Variants in GABBR2 observed in about 807,000 individuals in gnomAD.
GABBR2 encodes the protein gamma-aminobutyric acid type B receptor subunit 2.
Under a neutral mutation model 105.6 loss-of-function variants are expected in GABBR2, and 23 were observed. The observed-to-expected ratio is 0.22, with a 90% CI of 0.16 to 0.31. GABBR2 has a LOEUF of 0.31. GABBR2 is among the 10% of genes least tolerant of loss of function. The pLI, the probability that GABBR2 is intolerant of heterozygous loss-of-function variation, is 1.00. For synonymous variants in GABBR2, 478 were observed against 499.7 expected (o/e 0.96, Z 0.58); for missense variants, 734 against 1,245.5 (o/e 0.59, Z 6.18).
At chr9:98,642,069 C>T (rs576770282) in intron 1 of GABBR2, among the ~76,000 whole-genome samples, 5 of 152,282 alleles carry the variant, frequency 3.3e-5, no homozygotes, top group African/African-American at 1.2e-4. Flanking sequence ...GCTTCCAGGG[C>T]GCATTAAGTA....
chr9:98,336,207 G>T (rs868047947), intron 13 of GABBR2, among the ~76,000 whole-genome samples: 1 of 152,082 alleles, frequency 6.6e-6, no homozygotes, highest in Admixed American at 6.6e-5. Flanking sequence ...AAGGCACAAA[G>T]TTGGGAATAA....
At chr9:98,608,685 G>C (rs1285081327) in intron 1 of GABBR2, among the ~76,000 whole-genome samples, 1 of 152,116 alleles carries the variant, frequency 6.6e-6, no homozygotes, top group Non-Finnish European at 1.5e-5. Flanking sequence ...TGCACCTAGA[G>C]CTTTTTTATA....
intron 1 of GABBR2, among the ~76,000 whole-genome samples, chr9:98,615,460 A>T (rs182700482): frequency 6.6e-6 from 1 of 152,342 alleles, no homozygotes; most frequent in African/African-American, 2.4e-5. Context: ...ACTAATTTTT[A>T]AAATGCAATT....
At chr9:98,394,698 C>T (rs1398546216) in intron 8 of GABBR2, among the ~76,000 whole-genome samples, 3 of 152,178 alleles carry the variant, frequency 2.0e-5, no homozygotes, top group African/African-American at 7.2e-5. Flanking sequence ...GATACCACCC[C>T]CCAACTCCTC....
chr9:98,489,331 G>A (rs1588190939), intron 4 of GABBR2, among the ~76,000 whole-genome samples: 1 of 152,306 alleles, frequency 6.6e-6, no homozygotes, highest in East Asian at 1.9e-4. Context: ...TGGAGAGAGA[G>A]AAGAGGAGCC....
At chr9:98,320,661 A>G in intron 13 of GABBR2, among the ~76,000 whole-genome samples, 1 of 152,092 alleles carries the variant, frequency 6.6e-6, no homozygotes, top group Admixed American at 6.5e-5. Flanking sequence ...AAAAATGATG[A>G]GTTCATGTCC....
intron 4 of GABBR2, among the ~76,000 whole-genome samples, chr9:98,489,393 C>T (rs945719917): frequency 6.6e-6 from 1 of 152,174 alleles, no homozygotes; most frequent in Admixed American, 6.5e-5. Context: ...AAGCAAGGCT[C>T]TTGACTCCTC....
intron 16 of GABBR2, among the ~76,000 whole-genome samples, chr9:98,299,842 A>G (rs1251519262): frequency 2.0e-5 from 3 of 152,176 alleles, no homozygotes; most frequent in Admixed American, 2.0e-4. Context: ...TGTCTGAAAC[A>G]TAATAAGGGC....
chr9:98,362,354 A>G (rs1228786218), intron 13 of GABBR2, among the ~76,000 whole-genome samples: 2 of 152,252 alleles, frequency 1.3e-5, no homozygotes, highest in Non-Finnish European at 1.5e-5. Flanking sequence ...AGGAGCTTTC[A>G]GAATGTTTAC....
chr9:98,407,987 T>C (rs1832519577), intron 7 of GABBR2, among the ~76,000 whole-genome samples: 1 of 152,204 alleles, frequency 6.6e-6, no homozygotes, highest in Non-Finnish European at 1.5e-5. Context: ...TCTCACAAAC[T>C]GGGTTCAGTC....
chr9:98,470,192 T>A lies in GABBR2; in HGVS notation c.999+2954A>T, dbSNP rs1165336824. Among the ~76,000 whole-genome samples the A allele has an allele frequency of 2.0e-5, 3 of 152,216 alleles. No homozygotes were observed. In the East Asian group the frequency reaches 5.8e-4, roughly 29 times the overall value. On this transcript the variant is annotated intron_variant, in intron 6 of 18. Transcript: ENST00000259455. The stretch of plus-strand genomic sequence containing the variant: ...GTACTAGGTGAATAAAGCACTACTT[T>A]CAGGTGCAAAATTTAAGGGAGAGTC...
intron 7 of GABBR2, among the ~76,000 whole-genome samples, chr9:98,440,673 G>A (rs1241764531): frequency 6.6e-6 from 1 of 152,232 alleles, no homozygotes; most frequent in Non-Finnish European, 1.5e-5. Flanking sequence ...GAAATTTCAT[G>A]AGAAAGTGGA....
At chr9:98,303,709 G>A (rs1411460423) in intron 15 of GABBR2, among the ~76,000 whole-genome samples, 1 of 152,206 alleles carries the variant, frequency 6.6e-6, no homozygotes, top group East Asian at 1.9e-4. Context: ...CAGGGCCCCC[G>A]AGGCCTCACT....
chr9:98,640,073 C>T (rs1026500332), intron 1 of GABBR2, among the ~76,000 whole-genome samples: 11 of 150,246 alleles, frequency 7.3e-5, no homozygotes, highest in African/African-American at 2.7e-4. Context: ...TTAAGACCTC[C>T]ATTTTATTTG....
chr9:98,648,116 T>TGTGTGTGTGTGTGTAGATAG, intron 1 of GABBR2, among the ~76,000 whole-genome samples: 1 of 55,948 alleles, frequency 1.8e-5, no homozygotes, highest in Non-Finnish European at 3.4e-5. Context: ...TGTGTGTGTG[T>TGTGTGTGTGTGTGTAGATAG]ATAGATAGAT....
intron 1 of GABBR2, among the ~76,000 whole-genome samples, chr9:98,595,173 G>C (rs796831440): frequency 6.6e-6 from 1 of 152,132 alleles, no homozygotes; most frequent in Non-Finnish European, 1.5e-5. Context: ...TCTAGTGAAG[G>C]CTGGTTTCCT....
intron 2 of GABBR2, among the ~76,000 whole-genome samples, chr9:98,556,818 G>A (rs1828593693): frequency 6.6e-6 from 1 of 152,168 alleles, no homozygotes; most frequent in Non-Finnish European, 1.5e-5. Flanking sequence ...GCTGAGGTGG[G>A]CGGATCGCTT....
intron 1 of GABBR2, among the ~76,000 whole-genome samples, chr9:98,621,927 T>G (rs757462772): frequency 4.6e-5 from 7 of 151,844 alleles, no homozygotes; most frequent in Non-Finnish European, 1.0e-4. Context: ...GCATGAAAAA[T>G]GCACAATTTT....
intron 3 of GABBR2, among the ~76,000 whole-genome samples, chr9:98,509,179 C>G (rs1412529037): frequency 6.6e-6 from 1 of 152,186 alleles, no homozygotes; most frequent in Non-Finnish European, 1.5e-5. Context: ...GGACCTCTAG[C>G]AAACTCCAAC....
Sources: gnomAD v4.1 joint callset for allele counts (sites outside exome capture counted in the v4.1 genomes callset) on GRCh38, gnomAD v4.1.1 for gene constraint, MANE v1.5 for transcripts, NCBI Gene and HGNC (gene_info 2026-07-23, HGNC 2026-07-21) for gene names.